The following ZFHX3 variants were observed in gnomAD, a reference collection of about 807,000 sequenced individuals.
ZFHX3 encodes zinc finger homeobox protein 3.
In ZFHX3, 42 loss-of-function variants were observed where a neutral mutation model predicts 279.1. The observed-to-expected ratio is 0.15, with a 90% CI of 0.12 to 0.19. The LOEUF is 0.19. Among genes scored for constraint, ZFHX3 ranks in the 10% least tolerant of loss-of-function variants. The probability of loss-of-function intolerance (pLI) is 1.00; values close to 1 mark genes in which losing one functional copy is unlikely to be tolerated. For missense variants in ZFHX3, 4,981 were observed against 4,754.0 expected (o/e 1.05, Z -1.40); for synonymous variants, 2,293 against 1,957.8 (o/e 1.17, Z -4.52).
intron 2 of ZFHX3, among the ~76,000 whole-genome samples, chr16:73,532,972 T>G (rs2019833862): frequency 6.6e-6 from 1 of 152,234 alleles, no homozygotes; most frequent in African/African-American, 2.4e-5. Flanking sequence ...ACCCCAGCCA[T>G]GTGGAACTGT....
chr16:73,487,467 T>C, intron 2 of ZFHX3: 1 of 442,770 alleles, frequency 2.3e-6, no homozygotes, highest in South Asian at 1.6e-5. Context: ...CCAGCATGAT[T>C]ATGGCTCCTT....
chr16:73,135,419 G>T (rs1966770498), intron 6 of ZFHX3, among the ~76,000 whole-genome samples: 1 of 152,156 alleles, frequency 6.6e-6, no homozygotes, highest in Non-Finnish European at 1.5e-5. Context: ...TTTCTTTCGT[G>T]GATGGGAATT....
intron 3 of ZFHX3, among the ~76,000 whole-genome samples, chr16:73,414,276 T>A (rs2017527576): frequency 6.6e-6 from 1 of 152,198 alleles, no homozygotes; most frequent in African/African-American, 2.4e-5. Flanking sequence ...ACAGAGATAA[T>A]TTCTACCTTT....
intron 1 of ZFHX3, among the ~76,000 whole-genome samples, chr16:73,712,969 C>T (rs975208536): frequency 1.3e-5 from 2 of 152,140 alleles, no homozygotes; most frequent in African/African-American, 2.4e-5. Flanking sequence ...TTGCTCAGAG[C>T]CCTGGACTTT....
chr16:73,373,819 A>G (rs1032686080), intron 3 of ZFHX3, among the ~76,000 whole-genome samples: 3 of 152,236 alleles, frequency 2.0e-5, no homozygotes, highest in Non-Finnish European at 4.4e-5. Context: ...AAGAAAGTGT[A>G]GCTGGAAATT....
intron 1 of ZFHX3, among the ~76,000 whole-genome samples, chr16:73,831,583 G>A (rs1960998928): frequency 1.3e-5 from 2 of 152,194 alleles, no homozygotes; most frequent in Admixed American, 1.3e-4. Flanking sequence ...GCCTCTCACA[G>A]ATTCATTCCT....
chr16:73,304,361 GC>G (rs1203517923), intron 4 of ZFHX3, among the ~76,000 whole-genome samples: 1 of 152,178 alleles, frequency 6.6e-6, no homozygotes, highest in Non-Finnish European at 1.5e-5. Context: ...GCGGGGCTTT[GC>G]CATGCTGTTT....
intron 4 of ZFHX3, among the ~76,000 whole-genome samples, chr16:73,301,292 G>A (rs190853563): frequency 1.1e-4 from 17 of 152,168 alleles, no homozygotes; most frequent in East Asian, 7.7e-4. Flanking sequence ...TGTTTCTGGC[G>A]GAAGAAGGAA....
At chr16:73,001,641 T>C (rs926077827) in intron 1 of ZFHX3, among the ~76,000 whole-genome samples, 7 of 151,936 alleles carry the variant, frequency 4.6e-5, no homozygotes, top group African/African-American at 1.7e-4. Context: ...AGCAAGACTC[T>C]GTCTCTACAA....
chr16:72,959,850 C>T lies in ZFHX3; in HGVS notation c.296G>A (p.Cys99Tyr). The T allele has an allele frequency of 6.3e-7, 1 of 1,598,498 alleles. No individual in the cohort carries two copies. Among genetic ancestry groups the T allele is most frequent in the African/African-American group, 1.3e-5 (1 of 74,780 alleles). Reference protein sequence around the residue: ...ASLQTYMEHHCPSARPPPPLR... With the variant: ...ASLQTYMEHHYPSARPPPPLR... ...GGGTGGCGGGGGGCGCGCGCTGGGG[C>T]AGTGGTGCTCCATGTAGGTCTGGAG... Residue 99 changes from cysteine (C) to tyrosine (Y), a missense_variant, in exon 2 of 10, where the codon TGC (cysteine) becomes TAC (tyrosine). Cys to Tyr is a radical substitution (Grantham distance 194, BLOSUM62 -2). Coordinates refer to ENST00000268489, the MANE Select transcript of ZFHX3 (RefSeq NM_006885.4).
At chr16:73,545,435 T>C (rs1026709790) in intron 2 of ZFHX3, among the ~76,000 whole-genome samples, 2 of 152,176 alleles carry the variant, frequency 1.3e-5, no homozygotes, top group African/African-American at 2.4e-5. Context: ...GGCGTCTCTC[T>C]CCTATTTTTT....
intron 4 of ZFHX3, among the ~76,000 whole-genome samples, chr16:73,312,957 T>C (rs2015359598): frequency 6.6e-6 from 1 of 152,194 alleles, no homozygotes. Flanking sequence ...AGGCCAAAAA[T>C]GGGTCAGTGA....
At chr16:73,844,262 C>T (rs1961387504) in intron 1 of ZFHX3, among the ~76,000 whole-genome samples, 1 of 152,066 alleles carries the variant, frequency 6.6e-6, no homozygotes, top group South Asian at 2.1e-4. Flanking sequence ...GGGTCCAGGT[C>T]CCAGATATGA....
Position 73,227,484 on chromosome 16 carries a change from A to AT in ZFHX3, c.-1104+29562dup, listed in dbSNP as rs1306524775. Among the ~76,000 whole-genome samples the AT allele has an allele frequency of 3.3e-5, 5 of 152,260 alleles. No individual in the cohort carries two copies. In the South Asian group the frequency reaches 6.2e-4, roughly 19 times the overall value. On this transcript the variant is annotated intron_variant, in intron 5 of 17. Coordinates refer to the ZFHX3 transcript ENST00000641206. ...TCCATGGTGACTAGAAGATAATTTAATTTTTTTAAGAAAAGGAATTGATTT... is the reference window on the plus strand; with the variant it reads ...TCCATGGTGACTAGAAGATAATTTAATTTTTTTTAAGAAAAGGAATTGATTT...
intron 3 of ZFHX3, among the ~76,000 whole-genome samples, chr16:72,911,639 C>T (rs941572949): frequency 2.0e-5 from 3 of 152,120 alleles, no homozygotes; most frequent in Non-Finnish European, 4.4e-5. Context: ...CAGCCACTAG[C>T]CACATGTGAC....
intron 3 of ZFHX3, among the ~76,000 whole-genome samples, chr16:73,453,344 G>A (rs866402173): frequency 6.6e-6 from 1 of 152,312 alleles, no homozygotes; most frequent in South Asian, 2.1e-4. Flanking sequence ...ATGTGGAAGA[G>A]GTGACTGTGC....
intron 2 of ZFHX3, among the ~76,000 whole-genome samples, chr16:73,584,992 TA>T (rs2051909065): frequency 3.3e-5 from 5 of 152,176 alleles, no homozygotes; most frequent in Admixed American, 3.3e-4. Context: ...TCAACATCAC[TA>T]ATCATTAAAG....
chr16:73,862,726 G>C (rs1213758517), intron 1 of ZFHX3, among the ~76,000 whole-genome samples: 4 of 152,092 alleles, frequency 2.6e-5, no homozygotes, highest in African/African-American at 9.7e-5. Flanking sequence ...GTAGAGAGCT[G>C]TGATCACGCC....
chr16:73,228,654 C>A (rs938556746), intron 5 of ZFHX3, among the ~76,000 whole-genome samples: 5 of 152,130 alleles, frequency 3.3e-5, no homozygotes, highest in South Asian at 4.1e-4. Flanking sequence ...CAGAGGGAGA[C>A]CCTGTCTCAA....
Sources: allele counts gnomAD v4.1 joint callset (sites outside exome capture counted in the v4.1 genomes callset), GRCh38; gene constraint gnomAD v4.1.1; transcripts MANE v1.5; gene names NCBI Gene and HGNC (gene_info 2026-07-23, HGNC 2026-07-21).